The following MYT1L variants were observed in gnomAD, a reference collection of about 807,000 sequenced individuals.
The protein encoded by MYT1L is myelin transcription factor 1 like.
MYT1L carries 12 observed loss-of-function variants against 126.7 expected under a neutral mutation model. The ratio of observed to expected loss-of-function variants is 0.09; its 90% CI spans 0.06 to 0.15. MYT1L has a LOEUF of 0.15. Ranked by LOEUF, MYT1L falls within the 10% of genes least tolerant of loss-of-function variation. The pLI, the probability that MYT1L is intolerant of heterozygous loss-of-function variation, is 1.00. For missense variants in MYT1L, 979 were observed against 1,585.2 expected, an observed-to-expected ratio of 0.62 and a Z score of 6.49; for synonymous variants, 541 against 604.2, an observed-to-expected ratio of 0.90 and a Z score of 1.53.
intron 2 of MYT1L, among the ~76,000 whole-genome samples, chr2:2,186,296 G>A (rs1315407441): frequency 2.0e-5 from 3 of 149,260 alleles, no homozygotes; most frequent in Non-Finnish European, 4.5e-5. Flanking sequence ...TGAGGGGGAC[G>A]TAGCCGGGCC....
At chr2:1,934,163 A>G (rs192182812) in intron 9 of MYT1L, among the ~76,000 whole-genome samples, 2,049 of 150,844 alleles carry the variant, frequency 0.014, 53 homozygotes, top group African/African-American at 0.047. Flanking sequence ...TTTAGTAGAG[A>G]CGGGGTTTCA....
chr2:1,934,185 A>G (rs866809012), intron 9 of MYT1L, among the ~76,000 whole-genome samples: 29 of 151,490 alleles, frequency 1.9e-4, no homozygotes, highest in South Asian at 4.2e-4. Flanking sequence ...CGTGTTAGCC[A>G]GGATGGTCTC....
rs180736595 is a variant in MYT1L, at chr2:2,226,652, G to A, written c.-420-53664C>T. Among the ~76,000 whole-genome samples, 634 of 152,152 alleles carry A rather than the reference G, an allele frequency of 4.2e-3. 2 individuals are homozygous for A. The highest frequency in any genetic ancestry group is 6.8e-3 in the Middle Eastern group (2 of 294). ...TCCAAGGTTGGGCTTCCAAACCTCC[G>A]ACCACATGACCTCTATCAACTCATC... On this transcript the variant is annotated intron_variant, in intron 2 of 24. Transcript: ENST00000647738.
intron 23 of MYT1L, among the ~76,000 whole-genome samples, chr2:1,797,134 G>T (rs1428249296): frequency 2.6e-5 from 4 of 152,152 alleles, no homozygotes; most frequent in Admixed American, 1.3e-4. Context: ...AGGCCACACT[G>T]AATCCAGTTG....
chr2:2,119,702 G>A (rs763367980), intron 3 of MYT1L, among the ~76,000 whole-genome samples: 4 of 151,982 alleles, frequency 2.6e-5, no homozygotes, highest in South Asian at 4.2e-4. Context: ...ATCATGATTC[G>A]CATTAATACA....
chr2:2,134,318 T>C (rs1307212222), intron 3 of MYT1L, among the ~76,000 whole-genome samples: 6 of 152,206 alleles, frequency 3.9e-5, no homozygotes, highest in African/African-American at 1.4e-4. Context: ...GTTCCTACTA[T>C]TGTAAATCTC....
At chr2:2,181,207 CCT>C (rs980067710) in intron 2 of MYT1L, among the ~76,000 whole-genome samples, 1 of 149,362 alleles carries the variant, frequency 6.7e-6, no homozygotes, top group Non-Finnish European at 1.5e-5. Flanking sequence ...GTGCCGTGTA[CCT>C]GTGTTTGTGC....
In MYT1L at chr2:2,304,045, G is replaced by A. The variant is rs188927692; in HGVS notation, c.-520-19542C>T. 12 of 152,168 alleles carry A rather than the reference G, an allele frequency of 7.9e-5. No homozygotes were observed. In the East Asian group the frequency reaches 2.3e-3, roughly 29 times the overall value. The allele number at this position is 152,168 out of a possible 1,614,324, so 9.4% of individuals were successfully genotyped here. A position where few individuals can be genotyped will look rare whatever the true frequency, so the allele number is the denominator to read the frequency against. ...TATTCCAGAACAAATATTTGAATAA[G>A]GATTATGTGGAAACAAGAAACAAAA... On this transcript the variant is annotated intron_variant, in intron 1 of 24. Transcript: ENST00000647738.
intron 2 of MYT1L, among the ~76,000 whole-genome samples, chr2:2,276,452 C>A (rs567431788): frequency 2.6e-5 from 4 of 152,264 alleles, no homozygotes; most frequent in African/African-American, 9.6e-5. Flanking sequence ...TAATAAAGTC[C>A]TTTTACAACC....
Position 2,291,060 on chromosome 2 carries a change from TA to T in MYT1L, c.-520-6558del, listed in dbSNP as rs202229180. 9.1e-3 allele frequency among the ~76,000 whole-genome samples: 1,312 copies of T among 144,102 alleles called. 14 individuals carry two copies. The highest frequency in any genetic ancestry group is 0.025 in the African/African-American group (1,001 of 39,358). The allele number at this position is 144,102 out of a possible 152,430, so 94.5% of individuals were successfully genotyped here. A position where few individuals can be genotyped will look rare whatever the true frequency, so the allele number is the denominator to read the frequency against. On this transcript the variant is annotated intron_variant, in intron 1 of 24. Coordinates refer to ENST00000647738, the MANE Select transcript of MYT1L (RefSeq NM_001303052.2). ...TAGATTATGTAAGGGAAAGGCTAGG[TA>T]AAAAAAAAAAATGAAAGTCAGTATA... is the stretch of plus-strand genomic sequence containing the variant.
rs150596888 is a variant in MYT1L at position 1,886,764 on chromosome 2, G to A, written c.2643-157C>T. Among the ~76,000 whole-genome samples, 392 of 152,038 alleles carry A rather than the reference G, an allele frequency of 2.6e-3. 1 individual carries two copies. The highest frequency in any genetic ancestry group is 9.0e-3 in the African/African-American group (374 of 41,466). On this transcript the variant is annotated intron_variant, in intron 17 of 24. Coordinates refer to ENST00000647738, the MANE Select transcript of MYT1L (RefSeq NM_001303052.2). ...TTTTTTGTGTAATTAATTCTGAATC[G>A]GTTCGAATATAAATTTAAGAAAATA...
intron 2 of MYT1L, among the ~76,000 whole-genome samples, chr2:2,214,481 A>T (rs1035769221): frequency 6.6e-6 from 1 of 152,082 alleles, no homozygotes; most frequent in Non-Finnish European, 1.5e-5. Flanking sequence ...ATAATAGGGA[A>T]AAAAAGGTGT....
At chr2:1,871,156 G>A (rs987627226) in intron 18 of MYT1L, among the ~76,000 whole-genome samples, 1 of 152,218 alleles carries the variant, frequency 6.6e-6, no homozygotes, top group Non-Finnish European at 1.5e-5. Flanking sequence ...TGCTAACACA[G>A]AAAGTCATGA....
chr2:1,812,068 A>T (rs1445202496), intron 21 of MYT1L, among the ~76,000 whole-genome samples: 1 of 152,198 alleles, frequency 6.6e-6, no homozygotes, highest in Non-Finnish European at 1.5e-5. Flanking sequence ...CACTGGACAC[A>T]CTGTGGCTGT....
intron 4 of MYT1L, among the ~76,000 whole-genome samples, chr2:2,042,888 C>T (rs900277190): frequency 2.0e-5 from 3 of 152,172 alleles, no homozygotes; most frequent in Non-Finnish European, 4.4e-5. Context: ...CTCTGCCCTT[C>T]CCCCCTGCTC....
intron 10 of MYT1L, among the ~76,000 whole-genome samples, chr2:1,918,339 T>A (rs2053137484): frequency 6.6e-6 from 1 of 152,240 alleles, no homozygotes; most frequent in Non-Finnish European, 1.5e-5. Flanking sequence ...ACTGTATTTT[T>A]AGCCAGTTTT....
rs908138591 is a variant in MYT1L, at chr2:1,887,699, A to G, written c.2521-90T>C. The G allele has an allele frequency of 1.9e-5, 27 of 1,456,298 alleles. No individual in the cohort carries two copies. The African/African-American group carries it at 3.4e-4, about 18-fold the overall frequency. The allele number at this position is 1,456,298 out of a possible 1,614,324, so 90.2% of individuals were successfully genotyped here. A position where few individuals can be genotyped will look rare whatever the true frequency, so the allele number is the denominator to read the frequency against. ...GGTTCGTGGCTCTGGGGTGGCCTCT[A>G]CATCTTACACCTCTTTCTGCTGTAC... On this transcript the variant is annotated intron_variant, in intron 16 of 24. Transcript: ENST00000647738. This position sits in a 1 kb window ranked among gnomAD's most constrained non-coding sequence, Gnocchi z 4.8.
chr2:2,090,530 T>C (rs932182523), intron 3 of MYT1L, among the ~76,000 whole-genome samples: 5 of 152,214 alleles, frequency 3.3e-5, no homozygotes, highest in African/African-American at 9.6e-5. Context: ...TTTGCCTCAA[T>C]GTCGATGGCT....
intron 2 of MYT1L, among the ~76,000 whole-genome samples, chr2:2,178,900 G>A (rs965329843): frequency 1.3e-5 from 2 of 152,170 alleles, no homozygotes; most frequent in Non-Finnish European, 2.9e-5. Flanking sequence ...AGTAGTTTAA[G>A]GAAATCTAAG....
Sources: gnomAD v4.1 joint callset for allele counts (sites outside exome capture counted in the v4.1 genomes callset) on GRCh38, gnomAD v4.1.1 for gene constraint, Gnocchi (gnomAD v3.1) non-coding constraint, MANE v1.5 for transcripts, NCBI Gene and HGNC (gene_info 2026-07-23, HGNC 2026-07-21) for gene names.